The following AUTS2 variants were observed in gnomAD, a reference collection of about 807,000 sequenced individuals.
The protein encoded by AUTS2 is autism susceptibility gene 2 protein.
A neutral mutation model predicts 112.4 loss-of-function variants in AUTS2; 17 were observed. The observed-to-expected ratio is 0.15, with a 90% confidence interval of 0.10 to 0.23. The LOEUF is 0.23. AUTS2 is among the 10% of genes least tolerant of loss of function. AUTS2 has a pLI of 1.00. For synonymous variants in AUTS2, 751 were observed against 702.7 expected (o/e 1.07, Z -1.09); for missense variants, 1,510 against 1,701.6 (o/e 0.89, Z 1.98).
intron 2 of AUTS2, among the ~76,000 whole-genome samples, chr7:70,078,438 G>T (rs1288076903): frequency 1.3e-5 from 2 of 152,078 alleles, no homozygotes; most frequent in Non-Finnish European, 1.5e-5. Flanking sequence ...TTGGACTGTG[G>T]TTGCTCATGG....
intron 6 of AUTS2, among the ~76,000 whole-genome samples, chr7:70,702,656 C>T (rs1159922376): frequency 6.6e-6 from 1 of 152,148 alleles, no homozygotes; most frequent in Non-Finnish European, 1.5e-5. Flanking sequence ...CCCAGTGTCT[C>T]CTGAAATGTG....
intron 2 of AUTS2, among the ~76,000 whole-genome samples, chr7:70,100,395 G>A (rs1222793626): frequency 6.6e-6 from 1 of 151,860 alleles, no homozygotes; most frequent in Non-Finnish European, 1.5e-5. Flanking sequence ...TGACCACAAA[G>A]TCTGTGGAAG....
intron 2 of AUTS2, among the ~76,000 whole-genome samples, chr7:69,916,754 T>C (rs1795596855): frequency 6.6e-6 from 1 of 152,166 alleles, no homozygotes. Context: ...TATCTGACCC[T>C]CTCTCTTCAA....
chr7:70,019,221 A>G (rs1406519201), intron 2 of AUTS2, among the ~76,000 whole-genome samples: 2 of 152,158 alleles, frequency 1.3e-5, no homozygotes, highest in Non-Finnish European at 2.9e-5. Flanking sequence ...ATGAGAACAC[A>G]TGGTTACATA....
intron 1 of AUTS2, among the ~76,000 whole-genome samples, chr7:69,769,659 G>A (rs1788578614): frequency 6.6e-6 from 1 of 152,156 alleles, no homozygotes. Context: ...AATTAATAAT[G>A]CAGACCAGAG....
chr7:70,139,840 A>C (rs1174394105), intron 4 of AUTS2, among the ~76,000 whole-genome samples: 1 of 152,120 alleles, frequency 6.6e-6, no homozygotes, highest in Non-Finnish European at 1.5e-5. Flanking sequence ...CTCTCTACCA[A>C]AAATGCCAAA....
chr7:70,165,794 C>T (rs1035811744), intron 4 of AUTS2, among the ~76,000 whole-genome samples: 1 of 152,108 alleles, frequency 6.6e-6, no homozygotes, highest in Admixed American at 6.6e-5. Context: ...TTCTTCTAAT[C>T]TTTTGAAATG....
chr7:70,620,623 G>A (rs1447594983), intron 5 of AUTS2, among the ~76,000 whole-genome samples: 2 of 152,100 alleles, frequency 1.3e-5, no homozygotes, highest in Non-Finnish European at 2.9e-5. Context: ...TCAGGTCGTT[G>A]TGTTGTTTGG....
At chr7:69,684,340 G>A (rs1306060739) in intron 1 of AUTS2, among the ~76,000 whole-genome samples, 1 of 152,220 alleles carries the variant, frequency 6.6e-6, no homozygotes, top group Non-Finnish European at 1.5e-5. Context: ...CACAGGCCTA[G>A]GAGCCTTCTT....
intron 1 of AUTS2, among the ~76,000 whole-genome samples, chr7:69,879,085 C>A (rs1471046942): frequency 6.6e-6 from 1 of 151,582 alleles, no homozygotes; most frequent in Non-Finnish European, 1.5e-5. Flanking sequence ...CAGGATAAAT[C>A]TCTGGAACCC....
At chr7:70,006,194 AC>A (rs2129553602) in intron 2 of AUTS2, among the ~76,000 whole-genome samples, 1 of 152,310 alleles carries the variant, frequency 6.6e-6, no homozygotes, top group East Asian at 1.9e-4. Flanking sequence ...AATGGCAGAA[AC>A]CAGAGTACGT....
At chr7:70,213,230 A>G (rs1811000153) in intron 4 of AUTS2, among the ~76,000 whole-genome samples, 1 of 152,102 alleles carries the variant, frequency 6.6e-6, no homozygotes, top group Non-Finnish European at 1.5e-5. Context: ...AATGATAGAA[A>G]AAGTTACCAT....
Position 70,620,163 on chromosome 7 carries a change from C to CTGG in AUTS2, c.691-78404_691-78402dup, listed in dbSNP as rs538333828. ...CTTCTTTACTCCTTAGCACATAGCA[C>CTGG]TGGTACACCTCAATTTATAGAACAG... is the stretch of plus-strand genomic sequence containing the variant. On this transcript the variant is annotated intron_variant, in intron 5 of 18. Transcript: ENST00000342771. Among the ~76,000 whole-genome samples, 354 of 152,270 alleles carry CTGG rather than the reference C, an allele frequency of 2.3e-3. 1 individual carries two copies. The highest frequency in any genetic ancestry group is 7.2e-3 in the African/African-American group (301 of 41,528).
intron 5 of AUTS2, among the ~76,000 whole-genome samples, chr7:70,543,193 A>G (rs1415137480): frequency 6.6e-6 from 1 of 152,184 alleles, no homozygotes; most frequent in Non-Finnish European, 1.5e-5. Context: ...GAGGAGTATT[A>G]TAAAGAGCTC....
intron 2 of AUTS2, among the ~76,000 whole-genome samples, chr7:70,036,745 C>T (rs963288363): frequency 1.6e-4 from 24 of 152,292 alleles, no homozygotes; most frequent in African/African-American, 5.3e-4. Context: ...AAGGCCTCTG[C>T]CAGCAGGAAT....
intron 5 of AUTS2, among the ~76,000 whole-genome samples, chr7:70,507,875 G>A (rs1799029515): frequency 6.6e-6 from 1 of 152,196 alleles, no homozygotes; most frequent in South Asian, 2.1e-4. Context: ...AAAAGTGTAT[G>A]TGTACACATG....
At chr7:70,369,366 C>A (rs972260095) in intron 4 of AUTS2, among the ~76,000 whole-genome samples, 1 of 152,132 alleles carries the variant, frequency 6.6e-6, no homozygotes, top group African/African-American at 2.4e-5. Context: ...AAAGCTCATG[C>A]CATGAGTTTG....
chr7:70,632,004 T>C (rs1239966183), intron 5 of AUTS2, among the ~76,000 whole-genome samples: 4 of 151,750 alleles, frequency 2.6e-5, no homozygotes, highest in African/African-American at 9.7e-5. Context: ...CGCCTGCCAT[T>C]GTCCCTAATG....
chr7:70,537,695 G>A (rs1436696848), intron 5 of AUTS2, among the ~76,000 whole-genome samples: 10 of 152,130 alleles, frequency 6.6e-5, no homozygotes, highest in Admixed American at 6.5e-4. Flanking sequence ...GCTCTCTCCT[G>A]TAAGCAGAAA....
Sources: gnomAD v4.1 joint callset for allele counts (sites outside exome capture counted in the v4.1 genomes callset) on GRCh38, gnomAD v4.1.1 for gene constraint, MANE v1.5 for transcripts, NCBI Gene and HGNC (gene_info 2026-07-23, HGNC 2026-07-21) for gene names.